The following SGK1 variants were observed in gnomAD, a reference collection of about 807,000 sequenced individuals.
SGK1 encodes serine/threonine-protein kinase Sgk1.
Under a neutral mutation model 64.2 loss-of-function variants are expected in SGK1, and 26 were observed. That is an observed-to-expected ratio of 0.40 (90% CI 0.30 to 0.56). The LOEUF is 0.56. Ranked by LOEUF, SGK1 falls within the 20% of genes least tolerant of loss-of-function variation. The pLI is 0.38. For synonymous variants in SGK1, 265 were observed against 239.7 expected (o/e 1.11, Z -0.98); for missense variants, 519 against 645.6 (o/e 0.80, Z 2.12).
intron 1 of SGK1, among the ~76,000 whole-genome samples, chr6:134,313,872 C>G (rs1777641024): frequency 6.6e-6 from 1 of 152,120 alleles, no homozygotes; most frequent in Admixed American, 6.6e-5. Flanking sequence ...ATCTGAGCCA[C>G]AAACAGAACA....
At chr6:134,272,548 A>G (rs1776956340) in intron 1 of SGK1, among the ~76,000 whole-genome samples, 1 of 146,858 alleles carries the variant, frequency 6.8e-6, no homozygotes. Flanking sequence ...CAATATCTCT[A>G]AAAGCTAGCG....
At chr6:134,192,476 C>A (rs992901744) in intron 3 of SGK1, among the ~76,000 whole-genome samples, 2 of 152,128 alleles carry the variant, frequency 1.3e-5, no homozygotes, top group Non-Finnish European at 2.9e-5. Flanking sequence ...AAGATAGAAT[C>A]AACTTCAATC....
chr6:134,303,239 A>C (rs1015360200), intron 1 of SGK1, among the ~76,000 whole-genome samples: 1 of 151,798 alleles, frequency 6.6e-6, no homozygotes, highest in African/African-American at 2.4e-5. Flanking sequence ...AAAAATACCG[A>C]AAATTAGCGG....
At chr6:134,173,871 A>G in intron 5 of SGK1, 134 bp downstream of exon 5, 2 of 676,026 alleles carry the variant, frequency 3.0e-6, no homozygotes, top group Non-Finnish European at 5.1e-6. Flanking sequence ...TATTTATATC[A>G]CTTGTTATGC....
rs1443061223 is a variant in SGK1 at position 134,262,108 on chromosome 6, T to C, written c.110A>G (p.Lys37Arg). The change falls in exon 2 of 14, where the codon AAG becomes AGG. Residue 37 changes from lysine to arginine, a missense_variant. Lys to Arg is a conservative substitution (Grantham distance 26). Transcript: ENST00000367858. ...WIKSPMVSVD[K>R]HQSPSLKYTG... ...GTACTTCAGGCTGGGACTCTGATGC[T>C]TGTCCACACTGACCATTGGGCTCTT... 1 of 1,607,416 alleles carries C rather than the reference T, an allele frequency of 6.2e-7. No individual in the cohort carries two copies. The highest frequency in any genetic ancestry group is 1.7e-5 in the Admixed American group (1 of 59,612).
At chr6:134,190,979 T>G (rs1188193829) in intron 3 of SGK1, among the ~76,000 whole-genome samples, 2 of 152,134 alleles carry the variant, frequency 1.3e-5, no homozygotes, top group Non-Finnish European at 2.9e-5. Flanking sequence ...CGAAGAGCAA[T>G]CCTTTCTGAT....
At chr6:134,315,245 A>G (rs957214479) in intron 1 of SGK1, among the ~76,000 whole-genome samples, 1 of 151,988 alleles carries the variant, frequency 6.6e-6, no homozygotes, top group Non-Finnish European at 1.5e-5. Flanking sequence ...GGGGCATTCA[A>G]TGACTTGATA....
chr6:134,262,164 G>C lies in SGK1; in HGVS notation c.70-16C>G, dbSNP rs771006850. The stretch of plus-strand genomic sequence containing the variant: ...ACCTTCGTACCTGCAATGTGCAAAA[G>C]GAAAGAAAAAACAAATGTGTTTGAC... On this transcript the variant is annotated splice_polypyrimidine_tract_variant and intron_variant, in intron 1 of 13. Coordinates refer to ENST00000367858, the MANE Select transcript of SGK1 (RefSeq NM_001143676.3). The C allele has an allele frequency of 7.8e-6, 12 of 1,530,664 alleles. No individual in the cohort carries two copies. Among genetic ancestry groups the C allele is most frequent in the Non-Finnish European group, 1.1e-5 (12 of 1,133,338 alleles). 94.8% of individuals were successfully genotyped at this position (1,530,664 alleles called of 1,614,324 possible).
chr6:134,305,085 G>A (rs552749089), intron 1 of SGK1, among the ~76,000 whole-genome samples: 24 of 152,248 alleles, frequency 1.6e-4, no homozygotes, highest in African/African-American at 5.3e-4. Flanking sequence ...ACCAGGCACG[G>A]TTGCTCACAC....
At chr6:134,313,041 G>A (rs1326983074) in intron 1 of SGK1, among the ~76,000 whole-genome samples, 1 of 152,170 alleles carries the variant, frequency 6.6e-6, no homozygotes, top group African/African-American at 2.4e-5. Flanking sequence ...CCAAAGTTCT[G>A]GCATTACAGG....
chr6:134,198,726 ATTTTTTTT>A (rs1178699258), intron 3 of SGK1, among the ~76,000 whole-genome samples: 2 of 101,780 alleles, frequency 2.0e-5, no homozygotes, highest in African/African-American at 7.4e-5. Context: ...CTCTTTTTCT[ATTTTTTTT>A]TTTTTTTTTT....
chr6:134,173,853 T>A, intron 5 of SGK1, 152 bp downstream of exon 5: 1 of 641,848 alleles, frequency 1.6e-6, no homozygotes. Context: ...TCTGACTCAA[T>A]ACTTAAATAT....
At chr6:134,235,007 T>G (rs1312288539) in intron 2 of SGK1, among the ~76,000 whole-genome samples, 4 of 152,212 alleles carry the variant, frequency 2.6e-5, no homozygotes, top group Non-Finnish European at 5.9e-5. Flanking sequence ...ACATAATTAA[T>G]TTTCTTGAAG....
At chr6:134,254,868 AT>A (rs1039461455) in intron 2 of SGK1, among the ~76,000 whole-genome samples, 32 of 149,566 alleles carry the variant, frequency 2.1e-4, no homozygotes, top group African/African-American at 6.4e-4. Context: ...TACAAATCTC[AT>A]TTTTTTTTTC....
chr6:134,211,969 C>G (rs1775896735), intron 2 of SGK1, among the ~76,000 whole-genome samples: 1 of 151,262 alleles, frequency 6.6e-6, no homozygotes, highest in African/African-American at 2.4e-5. Context: ...CACTGAAGTA[C>G]TACTTCAATT....
chr6:134,229,729 G>A (rs770990868), intron 2 of SGK1, among the ~76,000 whole-genome samples: 1 of 152,096 alleles, frequency 6.6e-6, no homozygotes, highest in Non-Finnish European at 1.5e-5. Context: ...ATATATCTGC[G>A]GTGAGTTCCT....
rs1166147221 is a variant in SGK1, at chr6:134,305,322, T to C, written c.69+12070A>G. ...TGCAGTGAACCAAAATCGCGCCCAC[T>C]GCACTCCAGCCAGCCTGGGCAACAG... On this transcript the variant is annotated intron_variant, in intron 1 of 13. Transcript: ENST00000367858. 2.3e-5 allele frequency among the ~76,000 whole-genome samples: 3 copies of C among 129,832 alleles called. No individual in the cohort carries two copies. The East Asian group carries it at 7.0e-4, about 30-fold the overall frequency. The allele number at this position is 129,832 out of a possible 152,430, so 85.2% of individuals were successfully genotyped here.
At chr6:134,275,957 G>T (rs539762869) in intron 1 of SGK1, among the ~76,000 whole-genome samples, 75 of 152,290 alleles carry the variant, frequency 4.9e-4, no homozygotes, top group African/African-American at 1.8e-3. Context: ...TGCTTTGCTT[G>T]TGTATTTCCC....
intron 1 of SGK1, among the ~76,000 whole-genome samples, chr6:134,273,366 G>A (rs1238163782): frequency 1.4e-5 from 2 of 146,474 alleles, no homozygotes; most frequent in Non-Finnish European, 3.0e-5. Context: ...CGAGGTGGGC[G>A]GATCACGAGG....
Sources: gnomAD v4.1 joint callset for allele counts (sites outside exome capture counted in the v4.1 genomes callset) on GRCh38, gnomAD v4.1.1 for gene constraint, MANE v1.5 for transcripts, NCBI Gene and HGNC (gene_info 2026-07-23, HGNC 2026-07-21) for gene names.